KANK1: variants seen among roughly 807,000 people sequenced by gnomAD.
KANK1 encodes KN motif and ankyrin repeat domains 1.
KANK1 carries 109 observed loss-of-function variants against 106.2 expected under a neutral mutation model. The ratio of observed to expected loss-of-function variants is 1.03; its 90% CI spans 0.88 to 1.20. The LOEUF (loss-of-function observed/expected upper bound fraction) is 1.20. KANK1 is among the 50% of genes most tolerant of loss of function. The pLI is 0.00. For synonymous variants in KANK1, 873 were observed against 652.2 expected (o/e 1.34, Z -5.16); for missense variants, 2,399 against 1,710.7 (o/e 1.40, Z -7.10).
chr9:653,561 T>C lies in KANK1; in HGVS notation c.-83-23329T>C, dbSNP rs149652674. On this transcript the variant is annotated intron_variant, in intron 1 of 11. Coordinates refer to ENST00000382297, the MANE Select transcript of KANK1 (RefSeq NM_015158.5). ...ATATTTAATAAAGGCTGCAAAACCT[T>C]TCCCTTGAACGATGCAAGTTTGCTG... is the stretch of plus-strand genomic sequence containing the variant. Among the ~76,000 whole-genome samples, 494 of 152,280 alleles carry C rather than the reference T, an allele frequency of 3.2e-3. 3 individuals are homozygous for C. The highest frequency in any genetic ancestry group is 0.012 in the African/African-American group (482 of 41,548).
At chr9:609,513 C>T (rs1312640104) in intron 1 of KANK1, among the ~76,000 whole-genome samples, 5 of 152,018 alleles carry the variant, frequency 3.3e-5, no homozygotes, top group East Asian at 3.8e-4. Context: ...CCCTTAGTCC[C>T]GGCTACTCAA....
At chr9:693,863 G>C (rs58002665) in intron 2 of KANK1, 1 of 947,896 alleles carries the variant, frequency 1.1e-6, no homozygotes, top group Non-Finnish European at 1.3e-6. Flanking sequence ...ATATAAACTC[G>C]AGCTCTGTGT....
At chr9:654,821 GAGA>G (rs1219961412) in intron 1 of KANK1, among the ~76,000 whole-genome samples, 22 of 24,924 alleles carry the variant, frequency 8.8e-4, no homozygotes, top group Non-Finnish European at 2.5e-4. Flanking sequence ...GTGTGAGAGA[GAGA>G]GAGAGAGAGA....
Position 711,026 on chromosome 9 carries a change from C to G in KANK1, c.260C>G (p.Thr87Ser). Reference protein sequence around the residue: ...RTTSGQQGIWTSTESLSSSNS... With the variant: ...RTTSGQQGIWSSTESLSSSNS... ...ACATCTGGTCAGCAAGGTATATGGA[C>G]TTCCACTGAATCCCTCTCATCCTCC... is the stretch of plus-strand genomic sequence containing the variant. The change falls in exon 3 of 12, where the codon ACT becomes AGT. Residue 87 changes from threonine to serine, a missense_variant. Transcript: ENST00000382297. 6.2e-7 allele frequency: 1 copy of G among 1,614,200 alleles called. No individual in the cohort carries two copies. The highest frequency in any genetic ancestry group is 2.2e-5 in the East Asian group (1 of 44,884).
intron 1 of KANK1, among the ~76,000 whole-genome samples, chr9:592,679 A>G (rs1255417944): frequency 6.6e-6 from 1 of 151,800 alleles, no homozygotes; most frequent in African/African-American, 2.4e-5. Context: ...CTCACATTTT[A>G]AAATATTTTA....
chr9:744,648 C>T, intron 11 of KANK1, 59 bp downstream of exon 11: 1 of 1,613,564 alleles, frequency 6.2e-7, no homozygotes, highest in Non-Finnish European at 8.5e-7. Context: ...CTGGTGGACC[C>T]CCTTCCTCCA....
At chr9:644,024 G>C (rs1326156846) in intron 1 of KANK1, among the ~76,000 whole-genome samples, 1 of 150,848 alleles carries the variant, frequency 6.6e-6, no homozygotes, top group East Asian at 1.9e-4. Flanking sequence ...TTGCATGTGA[G>C]AAAATGTATG....
chr9:616,405 C>T (rs1831836313), intron 1 of KANK1, among the ~76,000 whole-genome samples: 1 of 152,218 alleles, frequency 6.6e-6, no homozygotes, highest in South Asian at 2.1e-4. Context: ...TACCATCAAA[C>T]TGCATAGCCA....
intron 1 of KANK1, among the ~76,000 whole-genome samples, chr9:617,340 T>C (rs1832088554): frequency 6.6e-6 from 1 of 152,148 alleles, no homozygotes; most frequent in Non-Finnish European, 1.5e-5. Context: ...TAAATGGAAT[T>C]GGTTAGGAGA....
intron 1 of KANK1, among the ~76,000 whole-genome samples, chr9:510,161 T>C (rs953812878): frequency 3.3e-5 from 5 of 152,108 alleles, no homozygotes; most frequent in Non-Finnish European, 7.4e-5. Flanking sequence ...GGGTGTCTCA[T>C]TGGGTTAAAT....
At chr9:579,513 A>T (rs924559910) in intron 1 of KANK1, among the ~76,000 whole-genome samples, 20 of 152,138 alleles carry the variant, frequency 1.3e-4, no homozygotes, top group Non-Finnish European at 2.5e-4. Context: ...CGTCCACAGC[A>T]TGCAACACAC....
At position 701,070 on chromosome 9, in the gene KANK1, C is replaced by CT. The variant is rs369672567; in HGVS notation, c.38-9732dup. Among the ~76,000 whole-genome samples, 556 of 152,232 alleles carry CT rather than the reference C, an allele frequency of 3.7e-3. 2 individuals carry two copies. The highest frequency in any genetic ancestry group is 0.013 in the African/African-American group (526 of 41,508). Reference sequence around the variant, plus strand: ...AGTGGCATTTTTTATCACTTGAGCACTTGAGCGTAGTGTTATTGGCCCCAA... The same window carrying CT: ...AGTGGCATTTTTTATCACTTGAGCACTTTGAGCGTAGTGTTATTGGCCCCAA... On this transcript the variant is annotated intron_variant, in intron 2 of 11. Coordinates refer to ENST00000382297, the MANE Select transcript of KANK1 (RefSeq NM_015158.5).
chr9:501,598 G>T (rs763286444), upstream of KANK1, among the ~76,000 whole-genome samples: 1 of 139,842 alleles, frequency 7.2e-6, no homozygotes, highest in African/African-American at 3.0e-5. Context: ...ACAGGTATTC[G>T]CCCACGCACA....
At chr9:628,715 T>C (rs1377108931) in intron 1 of KANK1, among the ~76,000 whole-genome samples, 2 of 152,150 alleles carry the variant, frequency 1.3e-5, no homozygotes, top group African/African-American at 4.8e-5. Context: ...TTGCCATCCC[T>C]TTCTGCATGG....
intron 1 of KANK1, among the ~76,000 whole-genome samples, chr9:612,100 C>A (rs1435869874): frequency 6.6e-6 from 1 of 152,136 alleles, no homozygotes; most frequent in Non-Finnish European, 1.5e-5. Flanking sequence ...GCATAATGAA[C>A]ACACATATTA....
intron 1 of KANK1, among the ~76,000 whole-genome samples, chr9:635,867 G>C (rs377562698): frequency 2.0e-5 from 3 of 151,528 alleles, no homozygotes; most frequent in Non-Finnish European, 4.4e-5. Flanking sequence ...GTAGAGACAG[G>C]TTTCACTTTA....
intron 2 of KANK1, among the ~76,000 whole-genome samples, chr9:688,997 C>G (rs9407361): frequency 0.27 from 40,358 of 152,000 alleles, 6,056 homozygotes; most frequent in East Asian, 0.56. Context: ...GATAAATAGT[C>G]CTTATTATCC....
chr9:727,680 ATGTGTGTGTGTGTGTGTGTG>A (rs55997819), intron 3 of KANK1, among the ~76,000 whole-genome samples: 4 of 139,660 alleles, frequency 2.9e-5, no homozygotes, highest in African/African-American at 5.3e-5. Context: ...ATAACTTTTC[ATGTGTGTGTGTGTGTGTGTG>A]TGTGTGTGTG....
At chr9:720,709 T>C (rs1829082806) in intron 3 of KANK1, among the ~76,000 whole-genome samples, 1 of 152,184 alleles carries the variant, frequency 6.6e-6, no homozygotes, top group African/African-American at 2.4e-5. Flanking sequence ...CAGGTTGGAA[T>C]GCAGTCTCAA....
Sources: allele counts gnomAD v4.1 joint callset (sites outside exome capture counted in the v4.1 genomes callset), GRCh38; gene constraint gnomAD v4.1.1; transcripts MANE v1.5; gene names NCBI Gene and HGNC (gene_info 2026-07-23, HGNC 2026-07-21).